MSH3: variants seen among roughly 807,000 people sequenced by gnomAD.
The protein encoded by MSH3 is DNA mismatch repair protein Msh3.
Under a neutral mutation model 123.3 loss-of-function variants are expected in MSH3, and 106 were observed. That is an observed-to-expected ratio of 0.86 (90% CI 0.73 to 1.01). MSH3 has a LOEUF of 1.01. Ranked by LOEUF, MSH3 falls within the 50% of genes least tolerant of loss-of-function variation. The probability of loss-of-function intolerance (pLI) is 0.00; values close to 1 mark genes in which losing one functional copy is unlikely to be tolerated. For synonymous variants in MSH3, 515 were observed against 481.4 expected (o/e 1.07, Z -0.91); for missense variants, 1,459 against 1,347.6 (o/e 1.08, Z -1.29).
intron 2 of MSH3, among the ~76,000 whole-genome samples, chr5:80,660,658 G>A (rs976652287): frequency 1.3e-5 from 2 of 152,000 alleles, no homozygotes; most frequent in Non-Finnish European, 2.9e-5. Flanking sequence ...GACATCAAAG[G>A]TTTTTTATTT....
In MSH3 at chr5:80,691,830, G is replaced by C. The variant is rs554144942; in HGVS notation, c.1340+12737G>C. Among the ~76,000 whole-genome samples, 3 of 145,386 alleles carry C rather than the reference G, an allele frequency of 2.1e-5. 1 individual carries two copies. Among genetic ancestry groups the C allele is most frequent in the African/African-American group, 5.0e-5 (2 of 39,942 alleles). On this transcript the variant is annotated intron_variant, in intron 8 of 23. Transcript: ENST00000265081. ...CTAAATATATATGTATGTTTATATA[G>C]ATAAATAAACATGTATATATTTATA...
intron 2 of MSH3, among the ~76,000 whole-genome samples, chr5:80,662,101 T>C (rs975103970): frequency 2.6e-5 from 4 of 152,238 alleles, no homozygotes; most frequent in African/African-American, 9.6e-5. Context: ...AAGATTATAA[T>C]AGGTATTTTT....
At chr5:80,770,121 T>C (rs1744191754) in intron 15 of MSH3, among the ~76,000 whole-genome samples, 1 of 152,210 alleles carries the variant, frequency 6.6e-6, no homozygotes, top group East Asian at 1.9e-4. Context: ...TTGTAACTCT[T>C]GTTTTTGCTA....
intron 18 of MSH3, among the ~76,000 whole-genome samples, chr5:80,788,586 A>G (rs1408286843): frequency 1.3e-5 from 2 of 152,162 alleles, no homozygotes; most frequent in African/African-American, 4.8e-5. Context: ...TGAGGCAGGA[A>G]CATCTCTTGA....
At chr5:80,692,902 GATAA>G (rs1388600659) in intron 8 of MSH3, among the ~76,000 whole-genome samples, 1 of 58,030 alleles carries the variant, frequency 1.7e-5, no homozygotes, top group Non-Finnish European at 3.3e-5. Flanking sequence ...TATATGTTTA[GATAA>G]ATATACATGC....
At chr5:80,717,421 C>A (rs1205763065) in intron 8 of MSH3, among the ~76,000 whole-genome samples, 1 of 152,116 alleles carries the variant, frequency 6.6e-6, no homozygotes, top group Non-Finnish European at 1.5e-5. Flanking sequence ...TGCACTCCAC[C>A]ATGCCCAGCT....
intron 1 of MSH3, 32 bp from the exon 2 acceptor site, chr5:80,656,374 AGAGAT>A: frequency 6.2e-7 from 1 of 1,613,104 alleles, no homozygotes; most frequent in Non-Finnish European, 8.5e-7. Flanking sequence ...TTCTCAGAGT[AGAGAT>A]AACACATCAT....
chr5:80,859,804 C>T lies in MSH3; in HGVS notation c.3001-5009C>T, dbSNP rs182457550. ...TGTTGCCTAGGCTGGCCTCAAACTC[C>T]CGGGCTGAAGTGACCTTCCCACCTC... is the stretch of plus-strand genomic sequence containing the variant. On this transcript the variant is annotated intron_variant, in intron 21 of 23. Transcript: ENST00000265081. Among the ~76,000 whole-genome samples, 857 of 150,942 alleles carry T rather than the reference C, an allele frequency of 5.7e-3. 2 individuals carry two copies. Among genetic ancestry groups the T allele is most frequent in the Non-Finnish European group, 9.5e-3 (642 of 67,768 alleles).
rs1330791390 is a variant in MSH3, at chr5:80,792,736, AACTGT to A, written c.2550_2554del (p.Val851ArgfsTer16). ...GAAACATATTTCTTTTTTGCAGACC[AACTGT>A]ACAAGAAGAAAGAAAAATTGTAATA... On this transcript the variant is annotated frameshift_variant, in exon 19 of 24. Coordinates refer to ENST00000265081, the MANE Select transcript of MSH3 (RefSeq NM_002439.5). LOFTEE classifies it high-confidence loss of function. 1 of 1,597,786 alleles carries A rather than the reference AACTGT, an allele frequency of 6.3e-7. No homozygotes were observed. The highest frequency in any genetic ancestry group is 1.3e-5 in the African/African-American group (1 of 74,522).
Position 80,716,456 on chromosome 5 carries a change from G to A in MSH3, c.1341-8997G>A, listed in dbSNP as rs149519423. Among the ~76,000 whole-genome samples the A allele has an allele frequency of 6.7e-3, 1,018 of 151,808 alleles. 11 individuals are homozygous for A. The highest frequency in any genetic ancestry group is 0.022 in the African/African-American group (913 of 41,414). On this transcript the variant is annotated intron_variant, in intron 8 of 23. Coordinates refer to ENST00000265081, the MANE Select transcript of MSH3 (RefSeq NM_002439.5). ...TCTTTTTTTTGTTTTTGCAGAGATT[G>A]GGTTTTGCTCTGTTGCCAGGCTTGT...
At chr5:80,689,715 C>CT (rs541235621) in intron 8 of MSH3, among the ~76,000 whole-genome samples, 1,506 of 131,544 alleles carry the variant, frequency 0.011, 7 homozygotes, top group African/African-American at 0.018. Flanking sequence ...AGACCGAGTT[C>CT]TTTTTTTTTT....
At chr5:80,759,513 A>G (rs943232268) in intron 12 of MSH3, among the ~76,000 whole-genome samples, 5 of 152,214 alleles carry the variant, frequency 3.3e-5, no homozygotes, top group Non-Finnish European at 7.3e-5. Context: ...AACTTAGAGT[A>G]GGAGGAAGAG....
chr5:80,742,360 A>C (rs1743632391), intron 11 of MSH3, among the ~76,000 whole-genome samples: 1 of 152,216 alleles, frequency 6.6e-6, no homozygotes, highest in Non-Finnish European at 1.5e-5. Flanking sequence ...TGAATTAGGA[A>C]GATAACGGGG....
At chr5:80,711,664 C>CT (rs892606375) in intron 8 of MSH3, among the ~76,000 whole-genome samples, 5 of 151,124 alleles carry the variant, frequency 3.3e-5, no homozygotes, top group African/African-American at 7.3e-5. Flanking sequence ...TCTTTTTTTT[C>CT]TTTTTTTTGA....
chr5:80,670,297 G>A lies in MSH3; in HGVS notation c.780G>A (p.Gly260=), dbSNP rs2112812404. 6.2e-7 allele frequency: 1 copy of A among 1,614,036 alleles called. No individual in the cohort carries two copies. Among genetic ancestry groups the A allele is most frequent in the Non-Finnish European group, 8.5e-7 (1 of 1,179,994 alleles). ...VECGYKYRFF[G]EDAEIAAREL... is the part of the protein sequence containing the mutation. ...GTGGATATAAGTATAGATTCTTTGGGGAAGATGCAGAGGTAAGTCGTCTTT... is the reference window on the plus strand; with the variant it reads ...GTGGATATAAGTATAGATTCTTTGGAGAAGATGCAGAGGTAAGTCGTCTTT... Residue 260 remains glycine, a synonymous_variant, in exon 4 of 24, where the codon GGG becomes GGA. Coordinates refer to ENST00000265081, the MANE Select transcript of MSH3 (RefSeq NM_002439.5).
chr5:80,800,770 A>G (rs1429051034), intron 19 of MSH3, among the ~76,000 whole-genome samples: 1 of 152,204 alleles, frequency 6.6e-6, no homozygotes, highest in African/African-American at 2.4e-5. Context: ...TGTTCTAGGC[A>G]ACGGGGATGA....
intron 20 of MSH3, among the ~76,000 whole-genome samples, chr5:80,824,449 C>A (rs528746568): frequency 1.3e-5 from 2 of 152,102 alleles, no homozygotes; most frequent in Non-Finnish European, 2.9e-5. Context: ...GGCTGCCCCC[C>A]ACCTCCCTCC....
chr5:80,824,958 G>T (rs898945085), intron 20 of MSH3, among the ~76,000 whole-genome samples: 5 of 152,010 alleles, frequency 3.3e-5, no homozygotes, highest in South Asian at 4.2e-4. Flanking sequence ...ATTCCACTGT[G>T]CTCCCACATC....
rs6151849 is a variant in MSH3 at position 80,793,186 on chromosome 5, T to A, written c.2655+342T>A. Among the ~76,000 whole-genome samples the A allele has an allele frequency of 1.3e-4, 20 of 152,362 alleles. No homozygotes were observed. In the East Asian group the frequency reaches 1.3e-3, roughly 10 times the overall value. On this transcript the variant is annotated intron_variant, in intron 19 of 23. Coordinates refer to ENST00000265081, the MANE Select transcript of MSH3 (RefSeq NM_002439.5). Reference sequence around the variant, plus strand: ...GCATGTAGTGTTCCATCCTTTGTACTGTGACTATTTTCAGATATTCTATGC... The same window carrying A: ...GCATGTAGTGTTCCATCCTTTGTACAGTGACTATTTTCAGATATTCTATGC...
Sources: allele counts gnomAD v4.1 joint callset (sites outside exome capture counted in the v4.1 genomes callset), GRCh38; gene constraint gnomAD v4.1.1; transcripts MANE v1.5; gene names NCBI Gene and HGNC (gene_info 2026-07-23, HGNC 2026-07-21).